The following GRIA1 variants were observed in gnomAD, a reference collection of about 807,000 sequenced individuals.
GRIA1 encodes glutamate ionotropic receptor AMPA type subunit 1, also known as glutamate receptor 1.
In GRIA1, 31 loss-of-function variants were observed where a neutral mutation model predicts 99.2. That is an observed-to-expected ratio of 0.31 (90% CI 0.23 to 0.42). The LOEUF (loss-of-function observed/expected upper bound fraction) is 0.42, where lower values mean the gene tolerates loss of function less well. GRIA1 is among the 10% of genes least tolerant of loss of function. GRIA1 has a pLI of 1.00. For missense variants in GRIA1, 782 were observed against 1,157.5 expected, an observed-to-expected ratio of 0.68 and a Z score of 4.71; for synonymous variants, 438 against 432.4, an observed-to-expected ratio of 1.01 and a Z score of -0.16.
chr5:153,576,173 T>C (rs760938225), intron 2 of GRIA1, among the ~76,000 whole-genome samples: 1 of 152,210 alleles, frequency 6.6e-6, no homozygotes, highest in Non-Finnish European at 1.5e-5. Flanking sequence ...GTAGAACAGC[T>C]TAACTTGAAC....
At chr5:153,744,414 C>T (rs756817778) in intron 11 of GRIA1, among the ~76,000 whole-genome samples, 16 of 152,144 alleles carry the variant, frequency 1.1e-4, no homozygotes, top group Non-Finnish European at 2.4e-4. Context: ...GGATGTATTT[C>T]GATTCCACTT....
At chr5:153,769,539 G>A (rs574515668) in intron 12 of GRIA1, among the ~76,000 whole-genome samples, 60 of 152,186 alleles carry the variant, frequency 3.9e-4, no homozygotes, top group African/African-American at 7.0e-4. Context: ...GGGGAAATAC[G>A]GAAGGCAGGT....
At chr5:153,489,840 A>G (rs1001791549), upstream of GRIA1, 3 of 456,634 alleles carry the variant, frequency 6.6e-6, no homozygotes, top group Non-Finnish European at 1.3e-5. Context: ...TGCTCTGTGT[A>G]AGTATCCTTA....
intron 11 of GRIA1, among the ~76,000 whole-genome samples, chr5:153,736,500 G>A (rs1335662737): frequency 6.6e-6 from 1 of 152,226 alleles, no homozygotes; most frequent in Admixed American, 6.5e-5. Flanking sequence ...AACCCACTGT[G>A]ATAGTGATTC....
intron 8 of GRIA1, among the ~76,000 whole-genome samples, chr5:153,688,128 G>A (rs548796446): frequency 3.9e-5 from 6 of 151,916 alleles, no homozygotes; most frequent in Non-Finnish European, 5.9e-5. Flanking sequence ...ACATCTTCTC[G>A]CTAACCACAG....
At chr5:153,739,088 CAAAAAA>C (rs34623069) in intron 11 of GRIA1, among the ~76,000 whole-genome samples, 1 of 139,434 alleles carries the variant, frequency 7.2e-6, no homozygotes, top group African/African-American at 2.6e-5. Flanking sequence ...GGGATTTCTC[CAAAAAA>C]AAAAAAAAAT....
At chr5:153,599,152 G>C (rs777413371) in intron 2 of GRIA1, among the ~76,000 whole-genome samples, 1 of 152,172 alleles carries the variant, frequency 6.6e-6, no homozygotes, top group Non-Finnish European at 1.5e-5. Flanking sequence ...AAAGTGCTGG[G>C]ATTACAGGCA....
chr5:153,523,677 A>G (rs1202044642), intron 2 of GRIA1, among the ~76,000 whole-genome samples: 1 of 152,144 alleles, frequency 6.6e-6, no homozygotes, highest in Admixed American at 6.5e-5. Context: ...GTGACATGAA[A>G]GTGATTATAC....
At chr5:153,766,447 T>C (rs1253424463) in intron 12 of GRIA1, among the ~76,000 whole-genome samples, 2 of 152,236 alleles carry the variant, frequency 1.3e-5, no homozygotes, top group Non-Finnish European at 2.9e-5. Flanking sequence ...ATAGACAACA[T>C]GCACCAGTCC....
rs145095169 is a variant in GRIA1, at chr5:153,660,729, G to A, written c.699+4857G>A. Reference sequence around the variant, plus strand: ...ACTGAAGCATTCACTTGTTAGTGCCGCATTTTCCAAACTGGCTCTACAGAC... The same window carrying A: ...ACTGAAGCATTCACTTGTTAGTGCCACATTTTCCAAACTGGCTCTACAGAC... On this transcript the variant is annotated intron_variant, in intron 5 of 15. Coordinates refer to ENST00000285900, the MANE Select transcript of GRIA1 (RefSeq NM_000827.4). Among the ~76,000 whole-genome samples the A allele has an allele frequency of 6.0e-3, 919 of 152,222 alleles. 6 individuals are homozygous for A. The highest frequency in any genetic ancestry group is 0.018 in the African/African-American group (745 of 41,530).
At chr5:153,699,365 G>A (rs1170731610) in intron 10 of GRIA1, among the ~76,000 whole-genome samples, 2 of 152,194 alleles carry the variant, frequency 1.3e-5, no homozygotes, top group Non-Finnish European at 2.9e-5. Context: ...AGACTGCTGA[G>A]TTGTCTATAC....
At chr5:153,802,530 G>T in intron 15 of GRIA1, 40 bp downstream of exon 15, 1 of 1,609,926 alleles carries the variant, frequency 6.2e-7, no homozygotes, top group Non-Finnish European at 8.5e-7. Context: ...AACCTGTTCT[G>T]TGATGCAGCT....
chr5:153,621,381 C>T (rs566775797), intron 2 of GRIA1, among the ~76,000 whole-genome samples: 67 of 152,250 alleles, frequency 4.4e-4, no homozygotes, highest in African/African-American at 1.4e-3. Flanking sequence ...ATGGCAGTAT[C>T]GCTTGAGGCC....
At chr5:153,550,230 T>C (rs575869533) in intron 2 of GRIA1, among the ~76,000 whole-genome samples, 1 of 152,190 alleles carries the variant, frequency 6.6e-6, no homozygotes, top group Admixed American at 6.5e-5. Flanking sequence ...GATATGTTCA[T>C]TTCCCACCAG....
At position 153,551,866 on chromosome 5, in the gene GRIA1, T is replaced by C. The variant is rs182152247; in HGVS notation, c.220+57801T>C. Among the ~76,000 whole-genome samples, 276 of 152,318 alleles carry C rather than the reference T, an allele frequency of 1.8e-3. 2 individuals carry two copies. The highest frequency in any genetic ancestry group is 6.1e-3 in the African/African-American group (253 of 41,570). On this transcript the variant is annotated intron_variant, in intron 2 of 15. Transcript: ENST00000285900. ...CAAGAGTGTTTCCTTTCTGTGATCA[T>C]GATACATTGTAAAGTATGTGGTTCC...
chr5:153,510,935 G>C (rs552323183), intron 2 of GRIA1, among the ~76,000 whole-genome samples: 2 of 152,264 alleles, frequency 1.3e-5, no homozygotes, highest in African/African-American at 4.8e-5. Flanking sequence ...GGGAGCATTG[G>C]GGGTGATGAG....
chr5:153,727,272 C>G (rs561870159), intron 11 of GRIA1, among the ~76,000 whole-genome samples: 3,632 of 152,200 alleles, frequency 0.024, 60 homozygotes, highest in Non-Finnish European at 0.036. Context: ...AACCCACAGC[C>G]AATATCATAC....
At chr5:153,725,952 G>A (rs184133111) in intron 11 of GRIA1, among the ~76,000 whole-genome samples, 8,047 of 140,454 alleles carry the variant, frequency 0.057, 322 homozygotes, top group Non-Finnish European at 0.075. Context: ...TTTCAGCACC[G>A]CACCACACCT....
At chr5:153,676,480 A>C (rs1025604197) in intron 6 of GRIA1, among the ~76,000 whole-genome samples, 22 of 152,220 alleles carry the variant, frequency 1.4e-4, no homozygotes, top group African/African-American at 5.1e-4. Context: ...CATATGTGGA[A>C]AAAATTAAGA....
Sources: gnomAD v4.1 joint callset for allele counts (sites outside exome capture counted in the v4.1 genomes callset) on GRCh38, gnomAD v4.1.1 for gene constraint, MANE v1.5 for transcripts, NCBI Gene and HGNC (gene_info 2026-07-23, HGNC 2026-07-21) for gene names.